Variants in AGBL1 observed in about 807,000 individuals in gnomAD.
The protein encoded by AGBL1 is cytosolic carboxypeptidase 4.
A neutral mutation model predicts 118.9 loss-of-function variants in AGBL1; 130 were observed. The observed-to-expected ratio is 1.09, with a 90% CI of 0.95 to 1.26. The LOEUF (loss-of-function observed/expected upper bound fraction) is 1.26, where lower values mean the gene tolerates loss of function less well. Among genes scored for constraint, AGBL1 ranks in the 50% most tolerant of loss-of-function variants. The pLI is 0.00. For missense variants in AGBL1, 1,584 were observed against 1,298.1 expected, an observed-to-expected ratio of 1.22 and a Z score of -3.38; for synonymous variants, 555 against 478.9, an observed-to-expected ratio of 1.16 and a Z score of -2.08.
chr15:86,486,931 A>T (rs937356971), intron 18 of AGBL1, among the ~76,000 whole-genome samples: 2 of 152,004 alleles, frequency 1.3e-5, no homozygotes, highest in African/African-American at 4.8e-5. Context: ...CCAACCCTGC[A>T]TGTGTAGCTT....
chr15:86,762,593 G>A (rs2078042075), intron 22 of AGBL1, among the ~76,000 whole-genome samples: 1 of 151,932 alleles, frequency 6.6e-6, no homozygotes, highest in East Asian at 1.9e-4. Flanking sequence ...AGCCCTGACT[G>A]GTAGGCTCTC....
At chr15:86,762,616 A>G (rs528035533) in intron 22 of AGBL1, among the ~76,000 whole-genome samples, 22 of 152,100 alleles carry the variant, frequency 1.4e-4, no homozygotes, top group Non-Finnish European at 2.5e-4. Context: ...CCACTCTACA[A>G]AGGAGCCAAT....
At chr15:86,491,048 C>A (rs1475705659) in intron 18 of AGBL1, among the ~76,000 whole-genome samples, 2 of 152,072 alleles carry the variant, frequency 1.3e-5, no homozygotes, top group African/African-American at 4.8e-5. Context: ...ATATTTATTT[C>A]TCCTTAAGTG....
chr15:86,167,447 T>C (rs1384908476), intron 5 of AGBL1, among the ~76,000 whole-genome samples: 1 of 152,160 alleles, frequency 6.6e-6, no homozygotes, highest in East Asian at 1.9e-4. Flanking sequence ...GGTTTCACCA[T>C]GTTGGCCAGG....
intron 22 of AGBL1, among the ~76,000 whole-genome samples, chr15:86,818,861 T>C (rs754712157): frequency 3.9e-5 from 6 of 152,164 alleles, no homozygotes; most frequent in African/African-American, 1.4e-4. Flanking sequence ...TCTAAGGCTT[T>C]GTTTACTTAT....
intron 6 of AGBL1, among the ~76,000 whole-genome samples, chr15:86,225,201 G>A (rs1470418069): frequency 4.0e-5 from 6 of 151,868 alleles, no homozygotes; most frequent in African/African-American, 7.3e-5. Context: ...CATACACAAT[G>A]CCACCAAGAC....
intron 5 of AGBL1, among the ~76,000 whole-genome samples, chr15:86,205,414 A>T (rs1394383395): frequency 6.6e-6 from 1 of 152,234 alleles, no homozygotes; most frequent in Non-Finnish European, 1.5e-5. Flanking sequence ...TGCTGTAAAC[A>T]TCCATGTGCA....
In AGBL1 at chr15:86,270,063, T is replaced by G. The variant is rs1331548696; in HGVS notation, c.1983T>G (p.Asn661Lys). 6.2e-7 allele frequency: 1 copy of G among 1,611,104 alleles called. No individual in the cohort carries two copies. The highest frequency in any genetic ancestry group is 1.1e-5 in the South Asian group (1 of 90,216). ...INCEKPNSQF[N>K]YGMQPTLYSV... ...GTGAGAAGCCCAACAGCCAGTTTAA[T>G]TATGGTATGAACGCTTGGGGAGCAG... Residue 661 changes from asparagine to lysine, a missense_variant, in exon 14 of 23, where the codon AAT becomes AAG. Physicochemically the swap from Asn to Lys is moderately conservative, Grantham distance 94. Coordinates refer to ENST00000614907, the MANE Select transcript of AGBL1 (RefSeq NM_001386094.1).
At chr15:86,455,082 G>C (rs932540961) in intron 18 of AGBL1, among the ~76,000 whole-genome samples, 1 of 152,098 alleles carries the variant, frequency 6.6e-6, no homozygotes, top group South Asian at 2.1e-4. Flanking sequence ...AGCAAGCTCT[G>C]ATTCAAGACC....
intron 18 of AGBL1, among the ~76,000 whole-genome samples, chr15:86,460,002 C>A (rs1481563607): frequency 2.0e-5 from 3 of 152,054 alleles, no homozygotes; most frequent in Non-Finnish European, 4.4e-5. Context: ...AATCTTCCTG[C>A]TTCTGCAACA....
At chr15:86,823,024 C>T (rs148749320) in intron 22 of AGBL1, among the ~76,000 whole-genome samples, 1 of 152,192 alleles carries the variant, frequency 6.6e-6, no homozygotes, top group Non-Finnish European at 1.5e-5. Flanking sequence ...TTGCTTTAGT[C>T]TCAATAGATG....
chr15:86,244,319 G>A (rs1231414033), intron 6 of AGBL1, among the ~76,000 whole-genome samples: 1 of 152,018 alleles, frequency 6.6e-6, no homozygotes, highest in East Asian at 1.9e-4. Context: ...GTTTGCCCTG[G>A]CCCTGCAAAG....
intron 21 of AGBL1, among the ~76,000 whole-genome samples, chr15:86,668,132 A>G (rs1660612667): frequency 6.6e-6 from 1 of 152,136 alleles, no homozygotes; most frequent in African/African-American, 2.4e-5. Flanking sequence ...AGCCATCCAT[A>G]AGGGATTCAC....
In AGBL1 at chr15:86,270,070, A is replaced by G. The variant is rs756506081; in HGVS notation, c.1987+3A>G. The G allele has an allele frequency of 1.6e-5, 26 of 1,609,334 alleles. No individual in the cohort carries two copies. The highest frequency in any genetic ancestry group is 2.2e-5 in the East Asian group (1 of 44,786). The stretch of plus-strand genomic sequence containing the variant: ...GCCCAACAGCCAGTTTAATTATGGT[A>G]TGAACGCTTGGGGAGCAGGGGCTTT... On this transcript the variant is annotated splice_donor_region_variant and intron_variant, in intron 14 of 22. Transcript: ENST00000614907.
intron 22 of AGBL1, among the ~76,000 whole-genome samples, chr15:86,774,438 C>A (rs921324552): frequency 6.6e-6 from 1 of 152,074 alleles, no homozygotes; most frequent in South Asian, 2.1e-4. Flanking sequence ...TCAATTTATT[C>A]GTTGAGCAAA....
intron 1 of AGBL1, among the ~76,000 whole-genome samples, chr15:86,101,920 C>A (rs1410204940): frequency 1.3e-5 from 2 of 152,000 alleles, no homozygotes; most frequent in Non-Finnish European, 2.9e-5. Flanking sequence ...TATGAATTTA[C>A]TTCTGGTTGT....
At chr15:86,506,248 C>T (rs1205571336) in intron 18 of AGBL1, among the ~76,000 whole-genome samples, 1 of 151,922 alleles carries the variant, frequency 6.6e-6, no homozygotes, top group East Asian at 1.9e-4. Context: ...ATGCACATAG[C>T]CCTGAGTGTA....
At chr15:86,736,151 G>A (rs2077594255) in intron 22 of AGBL1, among the ~76,000 whole-genome samples, 1 of 152,078 alleles carries the variant, frequency 6.6e-6, no homozygotes. Context: ...GAGAGGCCGA[G>A]GTGGGCAGAT....
At chr15:86,680,161 T>C (rs1274484489) in intron 22 of AGBL1, among the ~76,000 whole-genome samples, 1 of 152,194 alleles carries the variant, frequency 6.6e-6, no homozygotes, top group African/African-American at 2.4e-5. Flanking sequence ...GCATTTAAAT[T>C]GTCTTATAAT....
Sources: allele counts gnomAD v4.1 joint callset (sites outside exome capture counted in the v4.1 genomes callset), GRCh38; gene constraint gnomAD v4.1.1; transcripts MANE v1.5; gene names NCBI Gene and HGNC (gene_info 2026-07-23, HGNC 2026-07-21).